The following SRPK2 variants were observed in gnomAD, a reference collection of about 807,000 sequenced individuals.
The protein encoded by SRPK2 is SFRS protein kinase 2.
A neutral mutation model predicts 90.8 loss-of-function variants in SRPK2; 21 were observed. The ratio of observed to expected loss-of-function variants is 0.23; its 90% CI spans 0.16 to 0.33. The LOEUF (loss-of-function observed/expected upper bound fraction) is 0.33, where lower values mean the gene tolerates loss of function less well. Among genes scored for constraint, SRPK2 ranks in the 10% least tolerant of loss-of-function variants. SRPK2 has a pLI of 1.00. For synonymous variants in SRPK2, 288 were observed against 311.1 expected (o/e 0.93, Z 0.78); for missense variants, 620 against 869.0 (o/e 0.71, Z 3.60).
chr7:105,255,668 T>C (rs1803169483), intron 2 of SRPK2, among the ~76,000 whole-genome samples: 2 of 152,110 alleles, frequency 1.3e-5, no homozygotes, highest in Admixed American at 1.3e-4. Context: ...ACAGTGACTC[T>C]TGCCTGTAAT....
intron 2 of SRPK2, among the ~76,000 whole-genome samples, chr7:105,235,004 T>A (rs1381083984): frequency 6.6e-6 from 1 of 152,248 alleles, no homozygotes; most frequent in African/African-American, 2.4e-5. Flanking sequence ...GAGTTATTTC[T>A]GCAATTTTTT....
In SRPK2 at chr7:105,181,672, A is replaced by G. The variant is rs576447686; in HGVS notation, c.230-12407T>C. 2.0e-5 allele frequency among the ~76,000 whole-genome samples: 3 copies of G among 152,298 alleles called. No individual in the cohort carries two copies. In the South Asian group the frequency reaches 6.2e-4, roughly 32 times the overall value. ...TATAAGTGGGAAGTAAACAATGAGA[A>G]CACAAAGACACAAAGAGGGGAACAA... On this transcript the variant is annotated intron_variant, in intron 3 of 15. Coordinates refer to ENST00000393651, the MANE Select transcript of SRPK2 (RefSeq NM_182692.3).
At chr7:105,179,900 A>G (rs540698094) in intron 3 of SRPK2, among the ~76,000 whole-genome samples, 4 of 152,046 alleles carry the variant, frequency 2.6e-5, no homozygotes, top group South Asian at 2.1e-4. Context: ...GATCTCTACA[A>G]TAAGAATTAC....
At chr7:105,344,632 T>C (rs962971347) in intron 2 of SRPK2, among the ~76,000 whole-genome samples, 10 of 151,996 alleles carry the variant, frequency 6.6e-5, no homozygotes, top group Non-Finnish European at 1.5e-4. Flanking sequence ...CAAACACACA[T>C]GACAGGCTAT....
chr7:105,122,225 T>C (rs1800489328), intron 15 of SRPK2, among the ~76,000 whole-genome samples: 1 of 152,248 alleles, frequency 6.6e-6, no homozygotes, highest in African/African-American at 2.4e-5. Context: ...CTTCATGACC[T>C]TGAAGTAGGC....
intron 2 of SRPK2, among the ~76,000 whole-genome samples, chr7:105,298,397 A>G (rs1003982348): frequency 2.0e-5 from 3 of 152,224 alleles, no homozygotes; most frequent in African/African-American, 7.2e-5. Context: ...GGAAATTTGA[A>G]AAGCCCACAT....
At chr7:105,125,994 G>A (rs1014293002) in intron 15 of SRPK2, 1 of 650,968 alleles carries the variant, frequency 1.5e-6, no homozygotes, top group Non-Finnish European at 2.6e-6. Flanking sequence ...ATGACCAAAA[G>A]TACAGGCCTT....
At chr7:105,159,896 A>G (rs940360826) in intron 7 of SRPK2, among the ~76,000 whole-genome samples, 15 of 152,234 alleles carry the variant, frequency 9.9e-5, no homozygotes, top group Admixed American at 9.8e-4. Flanking sequence ...AAATATGTGT[A>G]CACTGTGAAA....
chr7:105,267,727 A>T (rs969386683), intron 2 of SRPK2, among the ~76,000 whole-genome samples: 1 of 152,152 alleles, frequency 6.6e-6, no homozygotes, highest in African/African-American at 2.4e-5. Flanking sequence ...ATACTAGCAT[A>T]CTTTAAATAA....
intron 2 of SRPK2, among the ~76,000 whole-genome samples, chr7:105,385,189 T>C: frequency 1.3e-5 from 1 of 79,608 alleles, no homozygotes; most frequent in South Asian, 4.7e-4. Flanking sequence ...TTTTTTTTTT[T>C]TTTTTTTTTG....
chr7:105,194,266 A>T (rs774439443), intron 3 of SRPK2, among the ~76,000 whole-genome samples: 5 of 151,460 alleles, frequency 3.3e-5, no homozygotes, highest in Non-Finnish European at 7.4e-5. Flanking sequence ...AAAGGTATCT[A>T]AAAAAAAACT....
intron 3 of SRPK2, among the ~76,000 whole-genome samples, chr7:105,195,857 A>G (rs140003448): frequency 1.1e-4 from 17 of 152,348 alleles, no homozygotes; most frequent in African/African-American, 3.6e-4. Context: ...CAGGCCACAG[A>G]TTGTTCTACT....
At chr7:105,369,141 T>TTATTAC (rs1185062957) in intron 2 of SRPK2, among the ~76,000 whole-genome samples, 2 of 148,800 alleles carry the variant, frequency 1.3e-5, no homozygotes, top group Admixed American at 1.4e-4. Context: ...ATTATTATTA[T>TTATTAC]TATTATTATT....
intron 6 of SRPK2, among the ~76,000 whole-genome samples, chr7:105,162,554 T>C (rs933502667): frequency 6.6e-6 from 1 of 152,216 alleles, no homozygotes; most frequent in Non-Finnish European, 1.5e-5. Context: ...TATGCTATAT[T>C]AAAACAATAT....
At chr7:105,159,944 T>C (rs780137405) in intron 7 of SRPK2, among the ~76,000 whole-genome samples, 32 of 152,204 alleles carry the variant, frequency 2.1e-4, no homozygotes, top group Admixed American at 3.3e-4. Flanking sequence ...TAACCCAGTA[T>C]GACATATAGA....
chr7:105,280,333 T>G (rs1135959), intron 2 of SRPK2, among the ~76,000 whole-genome samples: 3 of 151,754 alleles, frequency 2.0e-5, no homozygotes, highest in Non-Finnish European at 4.4e-5. Flanking sequence ...AAGAATCGCT[T>G]GAACCTGGGA....
chr7:105,203,441 A>T (rs1481248694), intron 3 of SRPK2, among the ~76,000 whole-genome samples, 187 bp downstream of exon 3: 1 of 152,224 alleles, frequency 6.6e-6, no homozygotes, highest in African/African-American at 2.4e-5. Flanking sequence ...ATATCACTTA[A>T]TATTTTCTGA....
rs779121936 is a variant in SRPK2, at chr7:105,142,468, C to T, written c.1083G>A (p.Glu361=). The change falls in exon 11 of 16, where the codon GAG becomes GAA. Residue 361 remains glutamate, a synonymous_variant. Coordinates refer to ENST00000393651, the MANE Select transcript of SRPK2 (RefSeq NM_182692.3). ...KDNGEAEDQE[E]KEDAEKENIE... The stretch of plus-strand genomic sequence containing the variant: ...TGTTTTCTTTCTCAGCATCTTCTTT[C>T]TCTTCCTGGTCCTCAGCTTCACCTT... The T allele has an allele frequency of 6.2e-7, 1 of 1,611,478 alleles. No homozygotes were observed. Among genetic ancestry groups the T allele is most frequent in the Non-Finnish European group, 8.5e-7 (1 of 1,179,050 alleles).
At chr7:105,170,440 C>T (rs1249921457) in intron 3 of SRPK2, among the ~76,000 whole-genome samples, 1 of 151,932 alleles carries the variant, frequency 6.6e-6, no homozygotes, top group Non-Finnish European at 1.5e-5. Context: ...CACCTGTAAT[C>T]CCAGCACTTT....
Sources: gnomAD v4.1 joint callset for allele counts (sites outside exome capture counted in the v4.1 genomes callset) on GRCh38, gnomAD v4.1.1 for gene constraint, MANE v1.5 for transcripts, NCBI Gene and HGNC (gene_info 2026-07-23, HGNC 2026-07-21) for gene names.